MYRFL: variants seen among roughly 807,000 people sequenced by gnomAD.
MYRFL encodes myelin regulatory factor like.
MYRFL carries 88 observed loss-of-function variants against 109.4 expected under a neutral mutation model. That is an observed-to-expected ratio of 0.80 (90% CI 0.68 to 0.96). The LOEUF is 0.96. Ranked by LOEUF, MYRFL falls within the 40% of genes least tolerant of loss-of-function variation. The pLI, the probability that MYRFL is intolerant of heterozygous loss-of-function variation, is 0.00. For synonymous variants in MYRFL, 324 were observed against 320.9 expected (o/e 1.01, Z -0.10); for missense variants, 957 against 954.9 (o/e 1.00, Z -0.03).
intron 9 of MYRFL, 75 bp from the exon 10 acceptor site, chr12:69,897,081 T>C: frequency 1.0e-6 from 1 of 955,294 alleles, no homozygotes; most frequent in African/African-American, 1.6e-5. Flanking sequence ...TGATCAACTG[T>C]TGGGTGGTAT....
At chr12:69,834,644 A>T (rs1224732105) in intron 1 of MYRFL, among the ~76,000 whole-genome samples, 2 of 152,214 alleles carry the variant, frequency 1.3e-5, no homozygotes, top group African/African-American at 4.8e-5. Context: ...TGTTTTATTT[A>T]TTGTGAAACA....
intron 1 of MYRFL, among the ~76,000 whole-genome samples, chr12:69,836,312 C>T (rs1344394222): frequency 1.3e-5 from 2 of 152,140 alleles, no homozygotes; most frequent in Admixed American, 6.6e-5. Context: ...TTTATAGGCA[C>T]AGGATGGGGG....
At chr12:69,856,397 T>A (rs754971954) in intron 2 of MYRFL, among the ~76,000 whole-genome samples, 1 of 152,144 alleles carries the variant, frequency 6.6e-6, no homozygotes, top group Non-Finnish European at 1.5e-5. Flanking sequence ...ATCAATAGTT[T>A]AAATTTCTCT....
chr12:69,918,061 TACAG>T (rs1954800991), intron 13 of MYRFL, among the ~76,000 whole-genome samples: 1 of 152,154 alleles, frequency 6.6e-6, no homozygotes, highest in African/African-American at 2.4e-5. Context: ...AAGTCTGGGT[TACAG>T]ACATTTTTTC....
At chr12:69,854,972 G>A (rs1292044230) in intron 1 of MYRFL, among the ~76,000 whole-genome samples, 1 of 152,048 alleles carries the variant, frequency 6.6e-6, no homozygotes, top group Admixed American at 6.6e-5. Flanking sequence ...TTTTCATTTT[G>A]TAAACAAGGA....
chr12:69,914,989 G>C (rs1423034557), intron 13 of MYRFL, among the ~76,000 whole-genome samples: 1 of 152,204 alleles, frequency 6.6e-6, no homozygotes, highest in East Asian at 1.9e-4. Flanking sequence ...CCGGCAGTGT[G>C]CTGTGCCTCA....
At position 69,856,104 on chromosome 12, in the gene MYRFL, CT is replaced by C. The variant is rs533045943; in HGVS notation, c.137+735del. Among the ~76,000 whole-genome samples the C allele has an allele frequency of 2.7e-3, 411 of 152,252 alleles. 5 individuals are homozygous for C. Among genetic ancestry groups the C allele is most frequent in the African/African-American group, 9.5e-3 (396 of 41,546 alleles). ...TCAGACTCACCATCTACACTGTCCC[CT>C]GGTAACCACTGGTCTGTTTTTTGTT... is the stretch of plus-strand genomic sequence containing the variant. On this transcript the variant is annotated intron_variant, in intron 2 of 24. Coordinates refer to ENST00000552032, the MANE Select transcript of MYRFL (RefSeq NM_182530.3).
intron 6 of MYRFL, among the ~76,000 whole-genome samples, chr12:69,890,207 T>A (rs1173636095): frequency 1.3e-5 from 2 of 152,210 alleles, no homozygotes; most frequent in Non-Finnish European, 2.9e-5. Context: ...GAATATTCTT[T>A]CATCCAAGTG....
rs758911650 is a variant in MYRFL at position 69,936,445 on chromosome 12, C to A, written c.2045-8C>A. On this transcript the variant is annotated splice_polypyrimidine_tract_variant and splice_region_variant and intron_variant, in intron 18 of 24. Coordinates refer to ENST00000552032, the MANE Select transcript of MYRFL (RefSeq NM_182530.3). ...TGCTTCCCCTCCCCCCTGCCCAATG[C>A]CTTGCAGCACCTAATACATCCCTGG... The A allele has an allele frequency of 1.7e-5, 26 of 1,533,094 alleles. No homozygotes were observed. In the South Asian group the frequency reaches 3.0e-4, roughly 18 times the overall value. The allele number at this position is 1,533,094 out of a possible 1,614,324, so 95.0% of individuals were successfully genotyped here. A position where few individuals can be genotyped will look rare whatever the true frequency, so the allele number is the denominator to read the frequency against.
chr12:69,879,189 C>T lies in MYRFL; in HGVS notation c.206-6C>T. On this transcript the variant is annotated splice_polypyrimidine_tract_variant and splice_region_variant and intron_variant, in intron 3 of 24. Coordinates refer to ENST00000552032, the MANE Select transcript of MYRFL (RefSeq NM_182530.3). The stretch of plus-strand genomic sequence containing the variant: ...AGGGGCACTTCCTGCTTGTGTCTCT[C>T]CCCAGGTGCATGCTACCCAACCCTG... 1 of 702,774 alleles carries T rather than the reference C, an allele frequency of 1.4e-6. No homozygotes were observed. The highest frequency in any genetic ancestry group is 2.7e-5 in the East Asian group (1 of 37,266). 43.5% of individuals were successfully genotyped at this position (702,774 alleles called of 1,614,324 possible).
intron 10 of MYRFL, among the ~76,000 whole-genome samples, chr12:69,897,942 G>A (rs1227698035): frequency 6.6e-6 from 1 of 152,228 alleles, no homozygotes; most frequent in Non-Finnish European, 1.5e-5. Context: ...ACATAAAGCT[G>A]TTGGTGGCTG....
At chr12:69,891,560 A>ACTTTCTTTCTTTCTTTCTTT (rs1428620787) in intron 7 of MYRFL, among the ~76,000 whole-genome samples, 1 of 60,258 alleles carries the variant, frequency 1.7e-5, no homozygotes, top group Non-Finnish European at 3.9e-5. Flanking sequence ...GAAAGGTGTC[A>ACTTTCTTTCTTTCTTTCTTT]ATTTCTTTCT....
At chr12:69,932,883 T>TGTGTGTTTG (rs1555257501) in intron 16 of MYRFL, among the ~76,000 whole-genome samples, 1 of 52,610 alleles carries the variant, frequency 1.9e-5, no homozygotes, top group Non-Finnish European at 5.0e-5. Context: ...GTGTGTGTGT[T>TGTGTGTTTG]TGTGTGTGTG....
chr12:69,947,360 G>C (rs572481008), intron 19 of MYRFL, among the ~76,000 whole-genome samples: 1 of 152,232 alleles, frequency 6.6e-6, no homozygotes, highest in African/African-American at 2.4e-5. Context: ...CTGAGCTCAT[G>C]TCATTATTCT....
At chr12:69,848,578 C>T (rs939876911) in intron 1 of MYRFL, among the ~76,000 whole-genome samples, 4 of 151,916 alleles carry the variant, frequency 2.6e-5, no homozygotes, top group Non-Finnish European at 5.9e-5. Context: ...ATTTTTTATA[C>T]ATTACTTTTG....
intron 1 of MYRFL, among the ~76,000 whole-genome samples, chr12:69,834,290 G>C (rs1882808824): frequency 6.6e-6 from 1 of 152,174 alleles, no homozygotes; most frequent in African/African-American, 2.4e-5. Flanking sequence ...GTTCTGAAGA[G>C]AGCATCATGT....
chr12:69,934,389 C>T (rs987646665), intron 16 of MYRFL, among the ~76,000 whole-genome samples: 1 of 152,192 alleles, frequency 6.6e-6, no homozygotes, highest in African/African-American at 2.4e-5. Flanking sequence ...CCCTGAAGCC[C>T]CAGAGGGGGT....
At chr12:69,937,044 G>A (rs1474374095) in intron 19 of MYRFL, among the ~76,000 whole-genome samples, 1 of 152,122 alleles carries the variant, frequency 6.6e-6, no homozygotes, top group Non-Finnish European at 1.5e-5. Context: ...CTAATTTAGA[G>A]TTCAGGGTGA....
At chr12:69,829,435 T>G (rs1402003123) in intron 1 of MYRFL, among the ~76,000 whole-genome samples, 1 of 152,046 alleles carries the variant, frequency 6.6e-6, no homozygotes, top group Admixed American at 6.6e-5. Context: ...CTGAAGTGCT[T>G]AATTCAGGTG....
Sources: allele counts gnomAD v4.1 joint callset (sites outside exome capture counted in the v4.1 genomes callset), GRCh38; gene constraint gnomAD v4.1.1; transcripts MANE v1.5; gene names NCBI Gene and HGNC (gene_info 2026-07-23, HGNC 2026-07-21).